The following TNFSF4 variants were observed in gnomAD, a reference collection of about 807,000 sequenced individuals.
TNFSF4 encodes tumor necrosis factor ligand superfamily member 4.
TNFSF4 carries 4 observed loss-of-function variants against 7.3 expected under a neutral mutation model. That is an observed-to-expected ratio of 0.55 (90% CI 0.27 to 1.25). TNFSF4 has a LOEUF of 1.25. Ranked by LOEUF, TNFSF4 falls within the 50% of genes most tolerant of loss-of-function variation. The pLI, the probability that TNFSF4 is intolerant of heterozygous loss-of-function variation, is 0.12. For missense variants in TNFSF4, 181 were observed against 208.8 expected (o/e 0.87, Z 0.82); for synonymous variants, 76 against 83.7 (o/e 0.91, Z 0.50).
chr1:173,261,586 A>G, the TNFSF4 span, among the ~76,000 whole-genome samples: 1 of 152,138 alleles, frequency 6.6e-6, no homozygotes, highest in Admixed American at 6.5e-5. Flanking sequence ...TGCTAGCTGC[A>G]CTAATAAAAA....
chr1:173,353,241 T>C, the TNFSF4 span, among the ~76,000 whole-genome samples: 3 of 152,128 alleles, frequency 2.0e-5, no homozygotes, highest in Non-Finnish European at 2.9e-5. Context: ...AGAGTATTGA[T>C]TGGGGAAGTG....
the TNFSF4 span, among the ~76,000 whole-genome samples, chr1:173,297,975 G>A: frequency 6.6e-6 from 1 of 151,910 alleles, no homozygotes; most frequent in African/African-American, 2.4e-5. Context: ...AGAATTCAAA[G>A]GCAACGTTTC....
chr1:173,307,842 C>A, the TNFSF4 span, among the ~76,000 whole-genome samples: 1 of 151,808 alleles, frequency 6.6e-6, no homozygotes, highest in Non-Finnish European at 1.5e-5. Context: ...AGAGTTCTTG[C>A]AATTCTTCTG....
chr1:173,291,042 C>T, the TNFSF4 span, among the ~76,000 whole-genome samples: 4 of 152,200 alleles, frequency 2.6e-5, no homozygotes, highest in East Asian at 7.7e-4. Context: ...TAAAGAAATA[C>T]CTGTGGCTGA....
the TNFSF4 span, among the ~76,000 whole-genome samples, chr1:173,241,692 G>A: frequency 6.6e-6 from 1 of 152,196 alleles, no homozygotes; most frequent in Non-Finnish European, 1.5e-5. Flanking sequence ...CATGCCATGA[G>A]GGACCACACA....
chr1:173,217,181 G>T, the TNFSF4 span, among the ~76,000 whole-genome samples: 8 of 152,300 alleles, frequency 5.3e-5, no homozygotes, highest in East Asian at 1.5e-3. Context: ...CCTGGGTGGA[G>T]AAACTCCAAG....
chr1:173,178,660 A>G, the TNFSF4 span, among the ~76,000 whole-genome samples: 1 of 152,188 alleles, frequency 6.6e-6, no homozygotes, highest in African/African-American at 2.4e-5. Context: ...TTCTTTTCTC[A>G]TGTATTTAAA....
chr1:173,371,176 T>C, the TNFSF4 span, among the ~76,000 whole-genome samples: 1 of 152,204 alleles, frequency 6.6e-6, no homozygotes, highest in Admixed American at 6.5e-5. Flanking sequence ...CTTCTCAGTG[T>C]TAATCTCCTG....
chr1:173,346,370 A>G, the TNFSF4 span, among the ~76,000 whole-genome samples: 1 of 152,170 alleles, frequency 6.6e-6, no homozygotes, highest in Non-Finnish European at 1.5e-5. Context: ...CTGAAAAAAA[A>G]TTTTAAATCC....
the TNFSF4 span, among the ~76,000 whole-genome samples, chr1:173,433,364 G>A: frequency 2.6e-5 from 4 of 152,058 alleles, no homozygotes; most frequent in Admixed American, 2.0e-4. Context: ...TTCTACCCCC[G>A]AACAAGGAAT....
chr1:173,232,807 C>T, the TNFSF4 span, among the ~76,000 whole-genome samples: 1 of 152,112 alleles, frequency 6.6e-6, no homozygotes, highest in South Asian at 2.1e-4. Flanking sequence ...CCTTGCATCC[C>T]AGGGATGAGG....
the TNFSF4 span, among the ~76,000 whole-genome samples, chr1:173,234,502 T>C: frequency 6.6e-6 from 1 of 152,136 alleles, no homozygotes. Flanking sequence ...ACATGTATGT[T>C]TATTGCAGCA....
chr1:173,178,301 C>T, the TNFSF4 span, among the ~76,000 whole-genome samples: 5,260 of 152,234 alleles, frequency 0.035, 282 homozygotes, highest in African/African-American at 0.12. Flanking sequence ...TCAGGTCAGG[C>T]GCGGTGGCTC....
chr1:173,385,301 C>T, the TNFSF4 span, among the ~76,000 whole-genome samples: 6 of 152,262 alleles, frequency 3.9e-5, no homozygotes, highest in Admixed American at 3.9e-4. Flanking sequence ...ATAACAAGGG[C>T]AAATACTGCC....
chr1:173,418,585 T>C, the TNFSF4 span: 1 of 149,436 alleles, frequency 6.7e-6, no homozygotes, highest in Non-Finnish European at 1.5e-5. Flanking sequence ...CTGGGAGGAG[T>C]GCATTTTCCA....
the TNFSF4 span, among the ~76,000 whole-genome samples, chr1:173,409,346 G>A: frequency 6.6e-6 from 1 of 152,144 alleles, no homozygotes; most frequent in African/African-American, 2.4e-5. Context: ...CTGGAATGGT[G>A]TCTGCAGATT....
chr1:173,206,985 T>C lies in TNFSF4; in HGVS notation c.153+39A>G, dbSNP rs774705416. On this transcript the variant is annotated intron_variant, in intron 1 of 2. Coordinates refer to ENST00000281834, the MANE Select transcript of TNFSF4 (RefSeq NM_003326.5). ...GCAGCTGTTGCAGCTGCCATCAGCATGAGCTGGTGGGAAAACAGCGCCCAG... is the reference window on the plus strand; with the variant it reads ...GCAGCTGTTGCAGCTGCCATCAGCACGAGCTGGTGGGAAAACAGCGCCCAG... 1.5e-5 allele frequency: 24 copies of C among 1,561,514 alleles called. No individual in the cohort carries two copies. The East Asian group carries it at 4.6e-4, about 30-fold the overall frequency.
At chr1:173,398,000 C>A in the TNFSF4 span, among the ~76,000 whole-genome samples, 1 of 152,212 alleles carries the variant, frequency 6.6e-6, no homozygotes, top group African/African-American at 2.4e-5. Context: ...ATTGCTAGAA[C>A]AAATTGACAC....
chr1:173,281,776 T>A, the TNFSF4 span, among the ~76,000 whole-genome samples: 1 of 152,202 alleles, frequency 6.6e-6, no homozygotes, highest in Non-Finnish European at 1.5e-5. Flanking sequence ...ATGAGACATT[T>A]GCTAAATGCT....
Sources: allele counts gnomAD v4.1 joint callset (sites outside exome capture counted in the v4.1 genomes callset), GRCh38; gene constraint gnomAD v4.1.1; transcripts MANE v1.5; gene names NCBI Gene and HGNC (gene_info 2026-07-23, HGNC 2026-07-21).